SHISA6: variants seen among roughly 807,000 people sequenced by gnomAD.
The protein encoded by SHISA6 is protein shisa-6.
Under a neutral mutation model 47.9 loss-of-function variants are expected in SHISA6, and 22 were observed. The observed-to-expected ratio is 0.46, with a 90% CI of 0.33 to 0.66. The LOEUF is 0.66. Ranked by LOEUF, SHISA6 falls within the 30% of genes least tolerant of loss-of-function variation. The pLI, the probability that SHISA6 is intolerant of heterozygous loss-of-function variation, is 0.02. For missense variants in SHISA6, 680 were observed against 764.6 expected (o/e 0.89, Z 1.30); for synonymous variants, 388 against 337.8 (o/e 1.15, Z -1.63).
At chr17:11,528,630 ATATTC>A (rs1444313942) in intron 3 of SHISA6, among the ~76,000 whole-genome samples, 2 of 152,122 alleles carry the variant, frequency 1.3e-5, no homozygotes, top group Non-Finnish European at 2.9e-5. Context: ...CTGGGTGGAA[ATATTC>A]ACTTAATAAC....
At chr17:11,524,417 C>A (rs760054170) in intron 3 of SHISA6, among the ~76,000 whole-genome samples, 4 of 151,870 alleles carry the variant, frequency 2.6e-5, no homozygotes, top group Non-Finnish European at 5.9e-5. Context: ...TTTTTAAAAA[C>A]CAAGGTATTT....
chr17:11,451,878 G>A (rs1399488903), intron 3 of SHISA6, among the ~76,000 whole-genome samples: 2 of 152,324 alleles, frequency 1.3e-5, no homozygotes, highest in Non-Finnish European at 2.9e-5. Flanking sequence ...GAGGAAGATT[G>A]CAGAAGAAAT....
chr17:11,433,656 T>C (rs1464098802), intron 3 of SHISA6, among the ~76,000 whole-genome samples: 1 of 152,186 alleles, frequency 6.6e-6, no homozygotes, highest in Non-Finnish European at 1.5e-5. Flanking sequence ...CCAGCTGTTA[T>C]ATATTTTTTA....
intron 3 of SHISA6, among the ~76,000 whole-genome samples, chr17:11,476,954 T>C (rs1307709565): frequency 6.6e-6 from 1 of 152,194 alleles, no homozygotes; most frequent in Non-Finnish European, 1.5e-5. Context: ...GTTAGGCACA[T>C]AAACATTAAA....
intron 3 of SHISA6, among the ~76,000 whole-genome samples, chr17:11,445,178 G>A (rs1915196519): frequency 6.6e-6 from 1 of 152,006 alleles, no homozygotes; most frequent in Non-Finnish European, 1.5e-5. Context: ...TCCTTACATG[G>A]CAGAAAAAAG....
chr17:11,282,492 G>A (rs1909156933), intron 2 of SHISA6, among the ~76,000 whole-genome samples: 1 of 151,906 alleles, frequency 6.6e-6, no homozygotes, highest in Non-Finnish European at 1.5e-5. Flanking sequence ...TTGGTTTGCT[G>A]CACCCATCAA....
chr17:11,385,631 T>C (rs950169159), intron 3 of SHISA6, among the ~76,000 whole-genome samples: 2 of 152,082 alleles, frequency 1.3e-5, no homozygotes, highest in African/African-American at 4.8e-5. Context: ...GGGTAGGAGT[T>C]TCCAGTAGGT....
rs1283002658 is a variant in SHISA6, at chr17:11,394,845, T to G, written c.895+15336T>G. Among the ~76,000 whole-genome samples the G allele has an allele frequency of 5.9e-5, 9 of 152,072 alleles. No homozygotes were observed. The East Asian group carries it at 1.7e-3, about 29-fold the overall frequency. On this transcript the variant is annotated intron_variant, in intron 3 of 5. Transcript: ENST00000441885. Reference sequence around the variant, plus strand: ...TTCTTTTAGTCTCTGTCTCTCTTTTTCATTACGTATAATATATACACAAAT... The same window carrying G: ...TTCTTTTAGTCTCTGTCTCTCTTTTGCATTACGTATAATATATACACAAAT...
At chr17:11,407,714 C>T (rs960364213) in intron 3 of SHISA6, among the ~76,000 whole-genome samples, 1 of 152,112 alleles carries the variant, frequency 6.6e-6, no homozygotes, top group Non-Finnish European at 1.5e-5. Context: ...GAGTCTAAGA[C>T]TCCTATTAAT....
At chr17:11,256,880 C>T (rs574085513) in intron 1 of SHISA6, among the ~76,000 whole-genome samples, 27 of 152,300 alleles carry the variant, frequency 1.8e-4, no homozygotes, top group Admixed American at 1.1e-3. Flanking sequence ...ACCTGGCTCC[C>T]GGCTGGCCTA....
chr17:11,302,673 G>A (rs111962051), intron 2 of SHISA6, among the ~76,000 whole-genome samples: 3 of 152,198 alleles, frequency 2.0e-5, no homozygotes, highest in South Asian at 2.1e-4. Context: ...AGTCCAAGCC[G>A]TCTTTTGCTT....
At chr17:11,248,780 C>G (rs1907687262) in intron 1 of SHISA6, among the ~76,000 whole-genome samples, 1 of 152,140 alleles carries the variant, frequency 6.6e-6, no homozygotes, top group South Asian at 2.1e-4. Flanking sequence ...AAAATAACAG[C>G]ACAACCAAAG....
chr17:11,475,215 T>A (rs1916024587), intron 3 of SHISA6, among the ~76,000 whole-genome samples: 2 of 152,170 alleles, frequency 1.3e-5, no homozygotes, highest in African/African-American at 4.8e-5. Flanking sequence ...TGTAGATGAT[T>A]GTGTCATCTG....
At chr17:11,533,290 T>C (rs1275054774) in intron 3 of SHISA6, among the ~76,000 whole-genome samples, 1 of 152,158 alleles carries the variant, frequency 6.6e-6, no homozygotes, top group Non-Finnish European at 1.5e-5. Context: ...ACTCCAATTC[T>C]TCCTACTGGT....
chr17:11,242,001 C>T lies in SHISA6; in HGVS notation c.579C>T (p.Val193=). Residue 193 remains valine (V), a synonymous_variant, in exon 1 of 6, where the codon GTC becomes GTT. Coordinates refer to ENST00000441885, the MANE Select transcript of SHISA6 (RefSeq NM_207386.4). ...TCGCCTTCGTCATCGTGGCCGGCGTCTTCGCCAAGGTCTCCTACGACAAGG... is the reference window on the plus strand; with the variant it reads ...TCGCCTTCGTCATCGTGGCCGGCGTTTTCGCCAAGGTCTCCTACGACAAGG... ...GVIAFVIVAG[V]FAKVSYDKAH... 2 of 1,551,138 alleles carry T rather than the reference C, an allele frequency of 1.3e-6. No individual in the cohort carries two copies. The highest frequency in any genetic ancestry group is 1.7e-6 in the Non-Finnish European group (2 of 1,147,006).
chr17:11,538,042 AC>A (rs2071802359), intron 3 of SHISA6, among the ~76,000 whole-genome samples: 1 of 152,068 alleles, frequency 6.6e-6, no homozygotes, highest in African/African-American at 2.4e-5. Context: ...ATGGAGATGA[AC>A]CTGAGTTTGT....
intron 2 of SHISA6, among the ~76,000 whole-genome samples, chr17:11,323,120 C>CTT (rs1910764100): frequency 6.6e-6 from 1 of 152,200 alleles, no homozygotes; most frequent in African/African-American, 2.4e-5. Flanking sequence ...CACAAAAGAA[C>CTT]TTGGAATTCC....
intron 2 of SHISA6, among the ~76,000 whole-genome samples, chr17:11,294,488 G>C (rs1909669890): frequency 6.6e-6 from 1 of 152,202 alleles, no homozygotes; most frequent in Admixed American, 6.5e-5. Flanking sequence ...GCATGAGCAG[G>C]TTGCTCCCCG....
chr17:11,248,489 T>C (rs1241739241), intron 1 of SHISA6, among the ~76,000 whole-genome samples: 1 of 152,154 alleles, frequency 6.6e-6, no homozygotes, highest in Non-Finnish European at 1.5e-5. Context: ...AATGAAAATA[T>C]ATTCTGCTTC....
Sources: gnomAD v4.1 joint callset for allele counts (sites outside exome capture counted in the v4.1 genomes callset) on GRCh38, gnomAD v4.1.1 for gene constraint, MANE v1.5 for transcripts, NCBI Gene and HGNC (gene_info 2026-07-23, HGNC 2026-07-21) for gene names.